Variants in ARHGAP28 observed in about 807,000 individuals in gnomAD.
ARHGAP28 encodes rho GTPase-activating protein 28.
A neutral mutation model predicts 90.7 loss-of-function variants in ARHGAP28; 56 were observed. The ratio of observed to expected loss-of-function variants is 0.62; its 90% confidence interval spans 0.50 to 0.77. ARHGAP28 has a LOEUF of 0.77. ARHGAP28 is among the 30% of genes least tolerant of loss of function. The probability of loss-of-function intolerance (pLI) is 0.00; values close to 1 mark genes in which losing one functional copy is unlikely to be tolerated. For synonymous variants in ARHGAP28, 308 were observed against 323.3 expected, an observed-to-expected ratio of 0.95 and a Z score of 0.51; for missense variants, 869 against 900.9, an observed-to-expected ratio of 0.96 and a Z score of 0.45.
chr18:6,745,465 A>G (rs948995490), intron 1 of ARHGAP28, among the ~76,000 whole-genome samples: 7 of 152,342 alleles, frequency 4.6e-5, no homozygotes, highest in African/African-American at 1.2e-4. Flanking sequence ...ATAAAAATAA[A>G]TGCTTTATTT....
Position 6,873,546 on chromosome 18 carries a change from G to A in ARHGAP28, c.1092G>A (p.Arg364=), listed in dbSNP as rs985631011. The A allele has an allele frequency of 1.9e-6, 3 of 1,613,576 alleles. No homozygotes were observed. Among genetic ancestry groups the A allele is most frequent in the Non-Finnish European group, 2.5e-6 (3 of 1,179,910 alleles). The change falls in exon 8 of 18, where the codon AGG becomes AGA. Residue 364 remains arginine, a synonymous_variant. Coordinates refer to ENST00000383472, the MANE Select transcript of ARHGAP28 (RefSeq NM_001366230.1). ...FFDAFGIQLK[R]NKTEKVKGRD... ...ATGCCTTTGGAATTCAACTGAAAAGGAACAAAACAGAGAAAGTAAAAGGAC... is the reference window on the plus strand; with the variant it reads ...ATGCCTTTGGAATTCAACTGAAAAGAAACAAAACAGAGAAAGTAAAAGGAC...
intron 4 of ARHGAP28, among the ~76,000 whole-genome samples, chr18:6,854,449 G>A (rs1294149212): frequency 6.6e-6 from 1 of 152,028 alleles, no homozygotes; most frequent in Non-Finnish European, 1.5e-5. Flanking sequence ...TTCTGTCTAA[G>A]AATAATTTTC....
At chr18:6,850,953 C>G in intron 3 of ARHGAP28, 81 bp from the exon 4 acceptor site, 2 of 1,576,020 alleles carry the variant, frequency 1.3e-6, no homozygotes, top group Non-Finnish European at 1.7e-6. Flanking sequence ...TATAAAAACT[C>G]TAGTGTAATG....
chr18:6,841,208 C>CCTCT (rs369622522), intron 3 of ARHGAP28, among the ~76,000 whole-genome samples: 148 of 43,122 alleles, frequency 3.4e-3, no homozygotes, highest in Non-Finnish European at 4.0e-3. Flanking sequence ...TCTCTCCTCT[C>CCTCT]CTCTCTCTCT....
chr18:6,749,546 A>T (rs2056052114), intron 1 of ARHGAP28, among the ~76,000 whole-genome samples: 1 of 151,468 alleles, frequency 6.6e-6, no homozygotes, highest in Non-Finnish European at 1.5e-5. Context: ...TTTCTATACC[A>T]TTTTTTTAAA....
At position 6,873,398 on chromosome 18, in the gene ARHGAP28, G is replaced by C; in HGVS notation, c.955-11G>C. ...GCCATAAAAAATAAATACCTTCACT[G>C]TGTGTTTTAGAAATTTAATGTTCAG... On this transcript the variant is annotated splice_polypyrimidine_tract_variant and intron_variant, in intron 7 of 17. Coordinates refer to ENST00000383472, the MANE Select transcript of ARHGAP28 (RefSeq NM_001366230.1). 6.3e-7 allele frequency: 1 copy of C among 1,597,640 alleles called. No homozygotes were observed. Among genetic ancestry groups the C allele is most frequent in the Non-Finnish European group, 8.5e-7 (1 of 1,175,750 alleles).
intron 4 of ARHGAP28, among the ~76,000 whole-genome samples, chr18:6,855,204 T>C (rs913720762): frequency 2.6e-5 from 4 of 152,196 alleles, no homozygotes; most frequent in Non-Finnish European, 5.9e-5. Flanking sequence ...GCCTGAAGCC[T>C]GGAGGATGGG....
intron 10 of ARHGAP28, among the ~76,000 whole-genome samples, chr18:6,876,926 C>A (rs2057135726): frequency 1.3e-5 from 2 of 152,112 alleles, no homozygotes; most frequent in South Asian, 2.1e-4. Flanking sequence ...GCAAAACATC[C>A]CACTGTGTCT....
rs570080537 is a variant in ARHGAP28, at chr18:6,772,204, A to T, written c.122+42261A>T. 4.6e-5 allele frequency among the ~76,000 whole-genome samples: 7 copies of T among 152,312 alleles called. No homozygotes were observed. The East Asian group carries it at 1.4e-3, about 29-fold the overall frequency. On this transcript the variant is annotated intron_variant, in intron 1 of 17. Transcript: ENST00000383472. ...GTTTCAGTGAATTAATTCATACTAA[A>T]TATTGTACCTAATAGTCACACTCCA...
chr18:6,820,537 A>C (rs1045648020), intron 1 of ARHGAP28, among the ~76,000 whole-genome samples: 4 of 152,224 alleles, frequency 2.6e-5, no homozygotes, highest in African/African-American at 4.8e-5. Flanking sequence ...AAATTGATGA[A>C]AGACATTAGC....
chr18:6,783,293 A>G (rs917983821), intron 1 of ARHGAP28, among the ~76,000 whole-genome samples: 2 of 150,362 alleles, frequency 1.3e-5, no homozygotes, highest in African/African-American at 4.9e-5. Flanking sequence ...TTGTGTTTTA[A>G]GGGTATTTAC....
Position 6,832,064 on chromosome 18 carries a change from C to A in ARHGAP28, c.326-5133C>A, listed in dbSNP as rs373310848. On this transcript the variant is annotated intron_variant, in intron 2 of 17. Transcript: ENST00000383472. ...TGGGTTCTTAAGATGGAAACCTAGA[C>A]CATTAATTTTAAATCTTTCATCTTT... Among the ~76,000 whole-genome samples the A allele has an allele frequency of 1.2e-4, 18 of 152,050 alleles. No homozygotes were observed. In the East Asian group the frequency reaches 2.7e-3, roughly 23 times the overall value.
intron 1 of ARHGAP28, chr18:6,788,458 G>GT (rs1025602204): frequency 9.1e-4 from 135 of 148,356 alleles, no homozygotes; most frequent in Middle Eastern, 3.5e-3. Context: ...TTTTTTGTTT[G>GT]TTTTTTTTTT....
intron 5 of ARHGAP28, among the ~76,000 whole-genome samples, chr18:6,866,447 C>T (rs543024463): frequency 6.6e-6 from 1 of 152,278 alleles, no homozygotes; most frequent in Middle Eastern, 3.4e-3. Context: ...CTGCATGTCT[C>T]CTCTTGCCTT....
At chr18:6,885,694 C>T (rs1267481887) in intron 11 of ARHGAP28, among the ~76,000 whole-genome samples, 1 of 151,972 alleles carries the variant, frequency 6.6e-6, no homozygotes, top group Non-Finnish European at 1.5e-5. Context: ...GGATTATTTG[C>T]CAAATTAAAC....
At chr18:6,792,404 G>T (rs1388655457) in intron 1 of ARHGAP28, among the ~76,000 whole-genome samples, 1 of 152,214 alleles carries the variant, frequency 6.6e-6, no homozygotes, top group Admixed American at 6.5e-5. Flanking sequence ...ATTAACCTCT[G>T]ATAGTTATAA....
chr18:6,871,758 A>G (rs2143533063), intron 7 of ARHGAP28, among the ~76,000 whole-genome samples: 1 of 152,294 alleles, frequency 6.6e-6, no homozygotes, highest in South Asian at 2.1e-4. Flanking sequence ...GACTTTTTGT[A>G]CCAGGTGACT....
chr18:6,797,758 T>C (rs2143601076), intron 1 of ARHGAP28, among the ~76,000 whole-genome samples: 1 of 151,760 alleles, frequency 6.6e-6, no homozygotes, highest in East Asian at 1.9e-4. Context: ...GCCTCCCGGG[T>C]TCAAGTGATT....
intron 1 of ARHGAP28, among the ~76,000 whole-genome samples, chr18:6,796,677 C>T (rs984423571): frequency 3.3e-5 from 5 of 152,056 alleles, no homozygotes; most frequent in African/African-American, 1.2e-4. Context: ...TACATTATTA[C>T]AACATCCTAT....
Sources: gnomAD v4.1 joint callset for allele counts (sites outside exome capture counted in the v4.1 genomes callset) on GRCh38, gnomAD v4.1.1 for gene constraint, MANE v1.5 for transcripts, NCBI Gene and HGNC (gene_info 2026-07-23, HGNC 2026-07-21) for gene names.